PPM1H: variants seen among roughly 807,000 people sequenced by gnomAD.
PPM1H encodes the protein protein phosphatase, Mg2+/Mn2+ dependent 1H, also known as protein phosphatase 1H.
Under a neutral mutation model 54.9 loss-of-function variants are expected in PPM1H, and 27 were observed. The observed-to-expected ratio is 0.49, with a 90% confidence interval of 0.36 to 0.68. The LOEUF is 0.68. Among genes scored for constraint, PPM1H ranks in the 30% least tolerant of loss-of-function variants. The pLI, the probability that PPM1H is intolerant of heterozygous loss-of-function variation, is 0.00. For synonymous variants in PPM1H, 305 were observed against 270.8 expected, an observed-to-expected ratio of 1.13 and a Z score of -1.24; for missense variants, 596 against 667.8, an observed-to-expected ratio of 0.89 and a Z score of 1.19.
chr12:62,773,284 A>G (rs1186618193), intron 4 of PPM1H, among the ~76,000 whole-genome samples: 1 of 152,148 alleles, frequency 6.6e-6, no homozygotes, highest in East Asian at 1.9e-4. Context: ...AGAGCAGCCT[A>G]AGTGATGTAG....
intron 2 of PPM1H, among the ~76,000 whole-genome samples, chr12:62,809,997 A>C (rs551791439): frequency 6.6e-6 from 1 of 152,206 alleles, no homozygotes; most frequent in East Asian, 1.9e-4. Context: ...GCCCCTGTGC[A>C]TCCCATTTTC....
At chr12:62,875,444 G>A (rs934701825) in intron 1 of PPM1H, among the ~76,000 whole-genome samples, 1 of 152,168 alleles carries the variant, frequency 6.6e-6, no homozygotes, top group Non-Finnish European at 1.5e-5. Context: ...GTAAGAAAGA[G>A]GATGGCGAGG....
In PPM1H at chr12:62,673,328, C is replaced by T. The variant is rs757682634; in HGVS notation, c.1246-5999G>A. 2.0e-5 allele frequency among the ~76,000 whole-genome samples: 3 copies of T among 152,218 alleles called. No homozygotes were observed. In the East Asian group the frequency reaches 5.8e-4, roughly 29 times the overall value. ...TAATACAGCACCTCCACTTAGTGCT[C>T]GGCTGCAGGCTGCTGTTTCAGCGTT... On this transcript the variant is annotated intron_variant, in intron 8 of 9. Coordinates refer to ENST00000228705, the MANE Select transcript of PPM1H (RefSeq NM_020700.2).
chr12:62,876,775 G>A (rs932386674), intron 1 of PPM1H, among the ~76,000 whole-genome samples: 16 of 152,148 alleles, frequency 1.1e-4, no homozygotes, highest in Admixed American at 2.0e-4. Context: ...GGAAAAGACT[G>A]GCTGAATTTA....
intron 3 of PPM1H, among the ~76,000 whole-genome samples, chr12:62,788,659 T>C (rs2076687158): frequency 6.6e-6 from 1 of 152,250 alleles, no homozygotes; most frequent in Non-Finnish European, 1.5e-5. Flanking sequence ...CTTTGTGGAT[T>C]GCATGAGCTA....
At chr12:62,815,317 G>T (rs971050796) in intron 2 of PPM1H, among the ~76,000 whole-genome samples, 1 of 151,978 alleles carries the variant, frequency 6.6e-6, no homozygotes, top group East Asian at 1.9e-4. Context: ...AGGTTTCTTT[G>T]GTTCAATTCC....
At chr12:62,767,577 C>T (rs1238396974) in intron 4 of PPM1H, among the ~76,000 whole-genome samples, 1 of 152,148 alleles carries the variant, frequency 6.6e-6, no homozygotes, top group Non-Finnish European at 1.5e-5. Context: ...CTGCCAGCTT[C>T]AGCATGCACT....
At chr12:62,875,412 G>C (rs924666150) in intron 1 of PPM1H, among the ~76,000 whole-genome samples, 1 of 152,172 alleles carries the variant, frequency 6.6e-6, no homozygotes, top group African/African-American at 2.4e-5. Context: ...GAAATACTTC[G>C]ATTCACCCTT....
chr12:62,850,160 TTTCACCATGTTG>T (rs1869126308), intron 1 of PPM1H, among the ~76,000 whole-genome samples: 1 of 151,796 alleles, frequency 6.6e-6, no homozygotes, highest in East Asian at 1.9e-4. Flanking sequence ...AGATACAGGG[TTTCACCATGTTG>T]TTCAGGCTGG....
intron 1 of PPM1H, among the ~76,000 whole-genome samples, chr12:62,921,069 C>A (rs989768219): frequency 1.3e-5 from 2 of 152,034 alleles, no homozygotes; most frequent in Admixed American, 1.3e-4. Context: ...GGATTACAGG[C>A]ACCTGCTACC....
At chr12:62,848,582 T>C (rs943401304) in intron 1 of PPM1H, among the ~76,000 whole-genome samples, 1 of 152,146 alleles carries the variant, frequency 6.6e-6, no homozygotes, top group African/African-American at 2.4e-5. Flanking sequence ...ACTCAGTAGA[T>C]CTAAGGTAGG....
At chr12:62,805,688 G>C (rs758459966) in intron 2 of PPM1H, among the ~76,000 whole-genome samples, 18 of 152,174 alleles carry the variant, frequency 1.2e-4, no homozygotes, top group Non-Finnish European at 1.5e-4. Context: ...GGTTGCCAGG[G>C]GCTGGGGTTG....
chr12:62,675,567 C>A (rs558102705), intron 8 of PPM1H, among the ~76,000 whole-genome samples: 4 of 152,312 alleles, frequency 2.6e-5, no homozygotes, highest in Admixed American at 1.3e-4. Context: ...TGCCTCAAGT[C>A]CACCCAGAAG....
At chr12:62,769,115 A>G (rs1459015089) in intron 4 of PPM1H, among the ~76,000 whole-genome samples, 2 of 152,182 alleles carry the variant, frequency 1.3e-5, no homozygotes, top group East Asian at 3.9e-4. Flanking sequence ...CAACCAGAAG[A>G]CTGCTTGCTG....
intron 8 of PPM1H, among the ~76,000 whole-genome samples, chr12:62,671,053 C>T (rs371963647): frequency 6.6e-6 from 1 of 152,214 alleles, no homozygotes; most frequent in Non-Finnish European, 1.5e-5. Context: ...AAGGATTCCA[C>T]TGGGCTCCGG....
At chr12:62,874,284 C>T (rs1382401858) in intron 1 of PPM1H, among the ~76,000 whole-genome samples, 1 of 151,992 alleles carries the variant, frequency 6.6e-6, no homozygotes, top group Non-Finnish European at 1.5e-5. Context: ...GCAAGGCTGG[C>T]ACAGAAGAGT....
rs2075775852 is a variant in PPM1H at position 62,644,758 on chromosome 12, T to TAAGTC, written c.*3726_*3730dup. On this transcript the variant is annotated 3_prime_UTR_variant, in exon 10 of 10. Coordinates refer to ENST00000228705, the MANE Select transcript of PPM1H (RefSeq NM_020700.2). ...GGCTGCAACCTTTCTCTGCAATTGT[T>TAAGTC]AAGTCTTCAAAAATCTGAGTTCCTC... is the stretch of plus-strand genomic sequence containing the variant. 1 of 152,252 alleles carries TAAGTC rather than the reference T, an allele frequency of 6.6e-6. No individual in the cohort carries two copies. The highest frequency in any genetic ancestry group is 6.5e-5 in the Admixed American group (1 of 15,284). 9.4% of individuals were successfully genotyped at this position (152,252 alleles called of 1,614,324 possible). A position where few individuals can be genotyped will look rare whatever the true frequency, so the allele number is the denominator to read the frequency against.
chr12:62,644,825 T>G lies in PPM1H; in HGVS notation c.*3664A>C, dbSNP rs912714238. 6.6e-6 allele frequency: 1 copy of G among 152,244 alleles called. No individual in the cohort carries two copies. The highest frequency in any genetic ancestry group is 1.5e-5 in the Non-Finnish European group (1 of 68,052). 9.4% of individuals were successfully genotyped at this position (152,244 alleles called of 1,614,324 possible). On this transcript the variant is annotated 3_prime_UTR_variant, in exon 10 of 10. Coordinates refer to ENST00000228705, the MANE Select transcript of PPM1H (RefSeq NM_020700.2). Reference sequence around the variant, plus strand: ...TGTGGCCAGAGCTCGTTTTACCATTTTCTTAGATTGGATCACTTTTAGGAT... The same window carrying G: ...TGTGGCCAGAGCTCGTTTTACCATTGTCTTAGATTGGATCACTTTTAGGAT...
At chr12:62,791,000 A>G (rs1252830252) in intron 3 of PPM1H, among the ~76,000 whole-genome samples, 1 of 152,206 alleles carries the variant, frequency 6.6e-6, no homozygotes, top group Admixed American at 6.5e-5. Context: ...TGCTCATCTT[A>G]GACCCTCAAC....
Sources: gnomAD v4.1 joint callset for allele counts (sites outside exome capture counted in the v4.1 genomes callset) on GRCh38, gnomAD v4.1.1 for gene constraint, MANE v1.5 for transcripts, NCBI Gene and HGNC (gene_info 2026-07-23, HGNC 2026-07-21) for gene names.